MCM10: variants seen among roughly 807,000 people sequenced by gnomAD.
MCM10 encodes the protein protein MCM10 homolog.
A neutral mutation model predicts 109.9 loss-of-function variants in MCM10; 91 were observed. The ratio of observed to expected loss-of-function variants is 0.83; its 90% CI spans 0.70 to 0.99. The LOEUF is 0.99. Among genes scored for constraint, MCM10 ranks in the 50% least tolerant of loss-of-function variants. The probability of loss-of-function intolerance (pLI) is 0.00; values close to 1 mark genes in which losing one functional copy is unlikely to be tolerated. For missense variants in MCM10, 1,077 were observed against 1,061.2 expected, an observed-to-expected ratio of 1.01 and a Z score of -0.21; for synonymous variants, 380 against 387.2, an observed-to-expected ratio of 0.98 and a Z score of 0.22.
At position 13,182,899 on chromosome 10, in the gene MCM10, G is replaced by T. The variant is rs1355609823; in HGVS notation, c.931-34G>T. ...ATAAATGAGGACGGCATAACCTACA[G>T]TTCAAAATTATAAAAAATAACTATT... On this transcript the variant is annotated intron_variant, in intron 7 of 19. Transcript: ENST00000378714. The surrounding 1 kb of genome is among the most constrained non-coding windows in gnomAD (Gnocchi z 4.2). 4 of 1,574,072 alleles carry T rather than the reference G, an allele frequency of 2.5e-6. No homozygotes were observed. Among genetic ancestry groups the T allele is most frequent in the Non-Finnish European group, 8.7e-7 (1 of 1,149,998 alleles).
In MCM10 at chr10:13,198,702, G is replaced by T. The variant is rs370490359; in HGVS notation, c.2133G>T (p.Leu711Phe). The change falls in exon 16 of 20, where the codon TTG becomes TTT. Residue 711 changes from leucine (L) to phenylalanine (F), a missense_variant. Physicochemically the swap from Leu to Phe is conservative, Grantham distance 22. Transcript: ENST00000378714. ...TMFSSQAEDE[L>F]EPARKKRREQ... ...CTTGTGCCCTAGCTGAGGATGAATT[G>T]GAGCCTGCCAGGAAAAAAAGGAGAG... The T allele has an allele frequency of 8.7e-5, 141 of 1,612,016 alleles. No homozygotes were observed. Among genetic ancestry groups the T allele is most frequent in the Non-Finnish European group, 1.1e-4 (134 of 1,178,334 alleles).
intron 18 of MCM10, 23 bp downstream of exon 18, chr10:13,204,387 T>C: frequency 1.2e-6 from 2 of 1,611,622 alleles, no homozygotes; most frequent in Non-Finnish European, 1.7e-6. Context: ...CCTGGAGCTC[T>C]TTGTCCCACG....
intron 8 of MCM10, 22 bp downstream of exon 8, chr10:13,183,122 T>C: frequency 6.2e-7 from 1 of 1,603,716 alleles, no homozygotes. Context: ...TTTCTGGGAT[T>C]TGATTGATGA....
At chr10:13,187,293 G>A (rs1015108062) in intron 9 of MCM10, among the ~76,000 whole-genome samples, 1 of 152,234 alleles carries the variant, frequency 6.6e-6, no homozygotes, top group Non-Finnish European at 1.5e-5. Flanking sequence ...GATCCGTGCT[G>A]TAGCATTTAT....
intron 2 of MCM10, among the ~76,000 whole-genome samples, chr10:13,166,660 ACATATATATAT>A (rs1834003697): frequency 1.7e-5 from 1 of 60,350 alleles, no homozygotes; most frequent in Non-Finnish European, 4.3e-5. Flanking sequence ...ATACATACAT[ACATATATATAT>A]ATATATATAT....
In MCM10 at chr10:13,175,619, A is replaced by G. The variant is rs376114316; in HGVS notation, c.702A>G (p.Pro234=). 355 of 1,612,958 alleles carry G rather than the reference A, an allele frequency of 2.2e-4. 1 individual carries two copies. In the South Asian group the frequency reaches 3.3e-3, roughly 15 times the overall value. The stretch of plus-strand genomic sequence containing the variant: ...CTAGAGGTCAAATTGTGGGGACCCC[A>G]GGAAGTTCTGGGGAAACGACTCAAC... ...GITRGQIVGT[P]GSSGETTQPI... The change falls in exon 6 of 20, where the codon CCA becomes CCG. Residue 234 remains proline (P), a synonymous_variant. Coordinates refer to ENST00000378714, the MANE Select transcript of MCM10 (RefSeq NM_018518.5).
rs1834311556 is a variant in MCM10 at position 13,188,963 on chromosome 10, T to C, written c.1298T>C (p.Phe433Ser). ...AAGCGTGCGGATCTGCAGTCCACCT[T>C]CTCTGGAGGACGAATTCCAAAGAAG... ...SAKRADLQST[F>S]SGGRIPKKFA... is the part of the protein sequence containing the mutation. The change falls in exon 10 of 20, where the codon TTC becomes TCC. Residue 433 changes from phenylalanine (F) to serine (S), a missense_variant. Physicochemically the swap from Phe to Ser is radical, Grantham distance 155. Coordinates refer to ENST00000378714, the MANE Select transcript of MCM10 (RefSeq NM_018518.5). The C allele has an allele frequency of 1.2e-6, 2 of 1,614,072 alleles. No individual in the cohort carries two copies. The highest frequency in any genetic ancestry group is 1.7e-6 in the Non-Finnish European group (2 of 1,180,034).
intron 17 of MCM10, 138 bp downstream of exon 17, chr10:13,201,672 C>G: frequency 1.5e-6 from 1 of 650,290 alleles, no homozygotes; most frequent in Non-Finnish European, 2.7e-6. Context: ...GCAAAGGGCG[C>G]AGGTGGCCCA....
At chr10:13,186,895 G>A (rs980933498) in intron 9 of MCM10, among the ~76,000 whole-genome samples, 3 of 152,182 alleles carry the variant, frequency 2.0e-5, no homozygotes, top group African/African-American at 7.2e-5. Flanking sequence ...AGGAGGCTGA[G>A]GCCAGAGAAT....
In MCM10 at chr10:13,182,941, C is replaced by G; in HGVS notation, c.939C>G (p.Thr313=). 4 of 1,611,776 alleles carry G rather than the reference C, an allele frequency of 2.5e-6. No homozygotes were observed. Among genetic ancestry groups the G allele is most frequent in the Non-Finnish European group, 3.4e-6 (4 of 1,178,666 alleles). Residue 313 remains threonine (T), a synonymous_variant, in exon 8 of 20, where the codon ACC becomes ACG. Transcript: ENST00000378714. The surrounding 1 kb of genome is among the most constrained non-coding windows in gnomAD (Gnocchi z 4.2). ...VTPQSVNSGK[T]FSIWKLNDLR... Reference sequence around the variant, plus strand: ...ATAACTATTTGTTCCAGGGAAAAACCTTCAGCATATGGAAACTGAATGATC... The same window carrying G: ...ATAACTATTTGTTCCAGGGAAAAACGTTCAGCATATGGAAACTGAATGATC...
In MCM10 at chr10:13,182,168, T is replaced by G. The variant is rs919033274; in HGVS notation, c.931-765T>G. On this transcript the variant is annotated intron_variant, in intron 7 of 19. Coordinates refer to ENST00000378714, the MANE Select transcript of MCM10 (RefSeq NM_018518.5). The surrounding 1 kb of genome is among the most constrained non-coding windows in gnomAD (Gnocchi z 4.2). Reference sequence around the variant, plus strand: ...GTAATAGCCTAGAAAGGAAACTTCTTTTTTCATATTAATAATAGACTTAGG... The same window carrying G: ...GTAATAGCCTAGAAAGGAAACTTCTGTTTTCATATTAATAATAGACTTAGG... Among the ~76,000 whole-genome samples, 10 of 152,306 alleles carry G rather than the reference T, an allele frequency of 6.6e-5. No homozygotes were observed. The highest frequency in any genetic ancestry group is 1.5e-4 in the Non-Finnish European group (10 of 68,032).
chr10:13,185,150 A>G (rs1035643858), intron 8 of MCM10, among the ~76,000 whole-genome samples: 1 of 152,162 alleles, frequency 6.6e-6, no homozygotes, highest in African/African-American at 2.4e-5. Context: ...AGACTCAGTC[A>G]AGGCACTCCA....
chr10:13,205,997 G>A (rs971299475), intron 18 of MCM10, among the ~76,000 whole-genome samples: 3 of 152,160 alleles, frequency 2.0e-5, no homozygotes, highest in African/African-American at 7.2e-5. Flanking sequence ...GGTCCATCCA[G>A]TGCCCTCCCT....
chr10:13,197,873 C>G (rs368677399), intron 15 of MCM10, 106 bp downstream of exon 15: 37 of 1,163,720 alleles, frequency 3.2e-5, no homozygotes, highest in East Asian at 2.5e-4. Flanking sequence ...CTTCCATTTC[C>G]TCCTATATAG....
intron 17 of MCM10, among the ~76,000 whole-genome samples, chr10:13,202,344 G>A (rs929008590): frequency 7.2e-5 from 11 of 152,118 alleles, no homozygotes; most frequent in East Asian, 5.8e-4. Flanking sequence ...GCAACACAGC[G>A]AGATCCTATC....
At chr10:13,166,920 C>T (rs1163621972) in intron 2 of MCM10, among the ~76,000 whole-genome samples, 1 of 151,830 alleles carries the variant, frequency 6.6e-6, no homozygotes, top group Admixed American at 6.6e-5. Context: ...AGGAGCATCG[C>T]TTGAGGCCAG....
chr10:13,197,428 A>G (rs1309620448), intron 14 of MCM10, among the ~76,000 whole-genome samples, 195 bp from the exon 15 acceptor site: 2 of 152,180 alleles, frequency 1.3e-5, no homozygotes, highest in African/African-American at 4.8e-5. Flanking sequence ...ATTCATCAAC[A>G]TATAGACCTG....
At chr10:13,177,104 A>C (rs1834151421) in intron 6 of MCM10, among the ~76,000 whole-genome samples, 1 of 152,178 alleles carries the variant, frequency 6.6e-6, no homozygotes. Context: ...GCCCACTTGA[A>C]GCTCCCTATG....
chr10:13,204,893 C>G (rs995722272), intron 18 of MCM10, among the ~76,000 whole-genome samples: 16 of 151,692 alleles, frequency 1.1e-4, no homozygotes, highest in Non-Finnish European at 1.8e-4. Context: ...TACTTTAAAT[C>G]ATCTCTAGAT....
Sources: allele counts gnomAD v4.1 joint callset (sites outside exome capture counted in the v4.1 genomes callset), GRCh38; gene constraint gnomAD v4.1.1; non-coding constraint Gnocchi (gnomAD v3.1); transcripts MANE v1.5; gene names NCBI Gene and HGNC (gene_info 2026-07-23, HGNC 2026-07-21).